SFMBT2: variants seen among roughly 807,000 people sequenced by gnomAD.
SFMBT2 encodes Scm like with four mbt domains 2.
SFMBT2 carries 38 observed loss-of-function variants against 110.1 expected under a neutral mutation model. That is an observed-to-expected ratio of 0.35 (90% confidence interval 0.27 to 0.45). The LOEUF (loss-of-function observed/expected upper bound fraction) is 0.45, where lower values mean the gene tolerates loss of function less well. SFMBT2 is among the 20% of genes least tolerant of loss of function. The pLI is 1.00. For missense variants in SFMBT2, 1,011 were observed against 1,094.9 expected, an observed-to-expected ratio of 0.92 and a Z score of 1.08; for synonymous variants, 425 against 425.4, an observed-to-expected ratio of 1.00 and a Z score of 0.01.
At chr10:7,248,741 C>A in intron 7 of SFMBT2, 92 bp from the exon 8 acceptor site, 1 of 1,038,936 alleles carries the variant, frequency 9.6e-7, no homozygotes, top group Non-Finnish European at 1.4e-6. Flanking sequence ...TTTTATTGGG[C>A]AACCAAAATC....
At chr10:7,169,165 C>T (rs773096730) in intron 20 of SFMBT2, among the ~76,000 whole-genome samples, 1 of 151,972 alleles carries the variant, frequency 6.6e-6, no homozygotes, top group Non-Finnish European at 1.5e-5. Context: ...AGGGTTTTGC[C>T]ACGTTGGCCA....
At chr10:7,377,967 G>GGGC (rs1554811940) in intron 2 of SFMBT2, among the ~76,000 whole-genome samples, 37 of 122,452 alleles carry the variant, frequency 3.0e-4, no homozygotes, top group African/African-American at 7.0e-4. Flanking sequence ...GTGTGGGGGG[G>GGGC]GGTTGTGTGT....
At chr10:7,199,989 A>G (rs554420963) in intron 14 of SFMBT2, among the ~76,000 whole-genome samples, 4 of 152,246 alleles carry the variant, frequency 2.6e-5, no homozygotes, top group Non-Finnish European at 5.9e-5. Flanking sequence ...AGAGGGTTTT[A>G]AGGAACAATT....
intron 1 of SFMBT2, among the ~76,000 whole-genome samples, chr10:7,405,953 T>C (rs1846200111): frequency 2.0e-5 from 3 of 151,878 alleles, no homozygotes; most frequent in Admixed American, 2.0e-4. Flanking sequence ...CCAACTTTTT[T>C]TTTTTTTTAA....
rs1260456220 is a variant in SFMBT2 at position 7,163,646 on chromosome 10, T to C, written c.*124A>G. The C allele has an allele frequency of 2.4e-6, 2 of 845,204 alleles. No homozygotes were observed. The highest frequency in any genetic ancestry group is 1.7e-5 in the African/African-American group (1 of 57,920). 52.4% of individuals were successfully genotyped at this position (845,204 alleles called of 1,614,324 possible). A position where few individuals can be genotyped will look rare whatever the true frequency, so the allele number is the denominator to read the frequency against. On this transcript the variant is annotated 3_prime_UTR_variant, in exon 21 of 21. Transcript: ENST00000397167. This position sits in a 1 kb window ranked among gnomAD's most constrained non-coding sequence, Gnocchi z 4.8. ...GCGGAGGCAGAAGATCCTGGGCTTCTGGTTTTCTGGTGATACTTAGTGGCT... is the reference window on the plus strand; with the variant it reads ...GCGGAGGCAGAAGATCCTGGGCTTCCGGTTTTCTGGTGATACTTAGTGGCT...
chr10:7,369,292 A>G (rs1031246663), intron 3 of SFMBT2, among the ~76,000 whole-genome samples: 1 of 152,258 alleles, frequency 6.6e-6, no homozygotes, highest in African/African-American at 2.4e-5. Context: ...TTTGCCCTGC[A>G]TGGACAAAGT....
intron 4 of SFMBT2, among the ~76,000 whole-genome samples, chr10:7,342,567 C>T (rs1843955967): frequency 6.6e-6 from 1 of 152,016 alleles, no homozygotes; most frequent in Non-Finnish European, 1.5e-5. Context: ...CGCCACCGCG[C>T]CCAGCTAATA....
chr10:7,303,798 T>C (rs1171108495), intron 4 of SFMBT2, among the ~76,000 whole-genome samples: 2 of 152,224 alleles, frequency 1.3e-5, no homozygotes, highest in Non-Finnish European at 2.9e-5. Flanking sequence ...CATTTTAGAA[T>C]GATTTTGTAA....
chr10:7,201,522 AC>A (rs368535495), intron 13 of SFMBT2, among the ~76,000 whole-genome samples: 3 of 152,262 alleles, frequency 2.0e-5, no homozygotes, highest in African/African-American at 7.2e-5. Flanking sequence ...TTAGAACCAA[AC>A]CCACAAAAAA....
intron 11 of SFMBT2, among the ~76,000 whole-genome samples, chr10:7,210,215 G>A (rs182724011): frequency 6.6e-6 from 1 of 152,298 alleles, no homozygotes; most frequent in Admixed American, 6.5e-5. Flanking sequence ...GACTGTAATC[G>A]AGACAGTGAC....
intron 1 of SFMBT2, among the ~76,000 whole-genome samples, chr10:7,396,909 A>T (rs147843609): frequency 3.5e-5 from 1 of 28,408 alleles, no homozygotes; most frequent in Non-Finnish European, 6.5e-5. Flanking sequence ...GGGTGGGGGG[A>T]TGGGGGGAGG....
chr10:7,181,689 A>G (rs1273700181), intron 16 of SFMBT2, among the ~76,000 whole-genome samples: 1 of 152,232 alleles, frequency 6.6e-6, no homozygotes, highest in Non-Finnish European at 1.5e-5. Flanking sequence ...TCAATACATT[A>G]AGGATAAATT....
At chr10:7,401,976 T>A (rs575989158) in intron 1 of SFMBT2, among the ~76,000 whole-genome samples, 27 of 152,208 alleles carry the variant, frequency 1.8e-4, no homozygotes, top group African/African-American at 5.8e-4. Context: ...AACTGCAACC[T>A]AAGCCATGTA....
At chr10:7,316,174 G>C (rs9919447) in intron 4 of SFMBT2, among the ~76,000 whole-genome samples, 1 of 152,190 alleles carries the variant, frequency 6.6e-6, no homozygotes, top group Non-Finnish European at 1.5e-5. Flanking sequence ...TGAATGGGTT[G>C]TGTTGGATTT....
chr10:7,409,203 C>G (rs1846305112), intron 1 of SFMBT2: 1 of 151,934 alleles, frequency 6.6e-6, no homozygotes. Context: ...TGCAGCGCGC[C>G]CCCTGCACAC....
Position 7,163,613 on chromosome 10 carries a change from A to G in SFMBT2, c.*157T>C, listed in dbSNP as rs1837609475. ...TGCTTTGAAAACATGGAAACAGCTC[A>G]CAGGCTGGCGGAGGCAGAAGATCCT... is the stretch of plus-strand genomic sequence containing the variant. On this transcript the variant is annotated 3_prime_UTR_variant, in exon 21 of 21. Coordinates refer to ENST00000397167, the MANE Select transcript of SFMBT2 (RefSeq NM_001387889.1). This position sits in a 1 kb window ranked among gnomAD's most constrained non-coding sequence, Gnocchi z 4.8. The G allele has an allele frequency of 1.5e-6, 1 of 650,602 alleles. No homozygotes were observed. The highest frequency in any genetic ancestry group is 2.6e-6 in the Non-Finnish European group (1 of 383,832). 40.3% of individuals were successfully genotyped at this position (650,602 alleles called of 1,614,324 possible).
chr10:7,345,572 T>C (rs1469895975), intron 4 of SFMBT2, among the ~76,000 whole-genome samples: 1 of 152,202 alleles, frequency 6.6e-6, no homozygotes, highest in African/African-American at 2.4e-5. Context: ...TTGGTCAGGC[T>C]GGTCTCGAAC....
rs777305791 is a variant in SFMBT2, at chr10:7,367,789, G to A, written c.296C>T (p.Thr99Met). Reference protein sequence around the residue: ...DTYWVATIITTCGQLLLLRYC... With the variant: ...DTYWVATIITMCGQLLLLRYC... ...GCGCAGAAGCAGCAGCTGCCCGCAC[G>A]TGGTAATGATCGTGGCCACCCAGTA... The change falls in exon 4 of 21, where the codon ACG becomes ATG. Residue 99 changes from threonine (T) to methionine (M), a missense_variant. Physicochemically the swap from Thr to Met is moderately conservative, Grantham distance 81. Coordinates refer to ENST00000397167, the MANE Select transcript of SFMBT2 (RefSeq NM_001387889.1). This position sits in a 1 kb window ranked among gnomAD's most constrained non-coding sequence, Gnocchi z 6.2. 8 of 1,614,186 alleles carry A rather than the reference G, an allele frequency of 5.0e-6. No individual in the cohort carries two copies. The highest frequency in any genetic ancestry group is 4.5e-5 in the East Asian group (2 of 44,880).
At chr10:7,358,728 G>A (rs1844611122) in intron 4 of SFMBT2, among the ~76,000 whole-genome samples, 1 of 107,056 alleles carries the variant, frequency 9.3e-6, no homozygotes, top group Non-Finnish European at 2.0e-5. Context: ...CATGGCTCTT[G>A]AACATCTGCA....
Sources: allele counts gnomAD v4.1 joint callset (sites outside exome capture counted in the v4.1 genomes callset), GRCh38; gene constraint gnomAD v4.1.1; non-coding constraint Gnocchi (gnomAD v3.1); transcripts MANE v1.5; gene names NCBI Gene and HGNC (gene_info 2026-07-23, HGNC 2026-07-21).